Variants in SVEP1 observed in about 807,000 individuals in gnomAD.
The protein encoded by SVEP1 is sushi, von Willebrand factor type A, EGF and pentraxin domain containing 1.
A neutral mutation model predicts 367.3 loss-of-function variants in SVEP1; 164 were observed. The observed-to-expected ratio is 0.45, with a 90% CI of 0.39 to 0.51. The LOEUF (loss-of-function observed/expected upper bound fraction) is 0.51, where lower values mean the gene tolerates loss of function less well. SVEP1 is among the 20% of genes least tolerant of loss of function. The pLI, the probability that SVEP1 is intolerant of heterozygous loss-of-function variation, is 0.00. For missense variants in SVEP1, 4,117 were observed against 4,425.3 expected (o/e 0.93, Z 1.98); for synonymous variants, 1,666 against 1,611.6 (o/e 1.03, Z -0.81).
At position 110,433,147 on chromosome 9, in the gene SVEP1, G is replaced by A. The variant is rs552879989; in HGVS notation, c.5060-512C>T. Among the ~76,000 whole-genome samples, 3 of 152,284 alleles carry A rather than the reference G, an allele frequency of 2.0e-5. No homozygotes were observed. In the East Asian group the frequency reaches 5.8e-4, roughly 29 times the overall value. Reference sequence around the variant, plus strand: ...TCTCCTTGAGGCCTCCCCAGAAGCTGAGCAGGTGCCAGCACCATGCTTCCT... The same window carrying A: ...TCTCCTTGAGGCCTCCCCAGAAGCTAAGCAGGTGCCAGCACCATGCTTCCT... On this transcript the variant is annotated intron_variant, in intron 30 of 47. Transcript: ENST00000374469.
intron 27 of SVEP1, chr9:110,442,827 T>G (rs951309457): frequency 6.6e-6 from 1 of 152,186 alleles, no homozygotes; most frequent in Non-Finnish European, 1.5e-5. Context: ...CTCACCGCAT[T>G]TTTATGAAGT....
intron 1 of SVEP1, among the ~76,000 whole-genome samples, chr9:110,567,990 T>C (rs1830511247): frequency 6.6e-6 from 1 of 152,212 alleles, no homozygotes. Flanking sequence ...CTATCACCCT[T>C]AAGCTGCGAT....
At chr9:110,393,035 A>T (rs1827688785) in intron 40 of SVEP1, among the ~76,000 whole-genome samples, 1 of 152,190 alleles carries the variant, frequency 6.6e-6, no homozygotes, top group Non-Finnish European at 1.5e-5. Context: ...TAACATGTAT[A>T]ATAGCTTGGA....
intron 36 of SVEP1, among the ~76,000 whole-genome samples, chr9:110,424,330 T>A (rs1828220162): frequency 7.3e-6 from 1 of 137,486 alleles, no homozygotes; most frequent in Admixed American, 7.6e-5. Flanking sequence ...TTGATTTACA[T>A]GTATTGAGAG....
At chr9:110,441,016 C>T (rs1828503344) in intron 27 of SVEP1, among the ~76,000 whole-genome samples, 1 of 152,186 alleles carries the variant, frequency 6.6e-6, no homozygotes, top group Non-Finnish European at 1.5e-5. Flanking sequence ...AAAATAGTAG[C>T]ATAACTACTC....
chr9:110,519,062 G>A (rs1490583220), intron 3 of SVEP1, among the ~76,000 whole-genome samples: 3 of 152,114 alleles, frequency 2.0e-5, no homozygotes, highest in African/African-American at 7.2e-5. Flanking sequence ...GTTTTGTACT[G>A]TCCCCTTCCC....
Position 110,406,358 on chromosome 9 carries a change from C to T in SVEP1, c.9242G>A (p.Trp3081Ter), listed in dbSNP as rs1411300723. 6.2e-7 allele frequency: 1 copy of T among 1,614,044 alleles called. No homozygotes were observed. The highest frequency in any genetic ancestry group is 1.1e-5 in the South Asian group (1 of 91,090). Residue 3081 changes from tryptophan to a stop codon, truncating the protein, a stop_gained, in exon 38 of 48, where the codon TGG (tryptophan) becomes TAG (stop). Transcript: ENST00000374469. LOFTEE classifies it high-confidence loss of function. ...GCTGTAAGTTATCACATTTTCCTTCCAAGAGCTGGTCTCACTGATGAACGC... is the reference window on the plus strand; with the variant it reads ...GCTGTAAGTTATCACATTTTCCTTCTAAGAGCTGGTCTCACTGATGAACGC... Reference protein sequence around the residue: ...PNAFISETSSWKENVITYSCR... With the variant: ...PNAFISETSS
chr9:110,427,586 C>T lies in SVEP1; in HGVS notation c.5975+5G>A. 6.2e-7 allele frequency: 1 copy of T among 1,611,878 alleles called. No homozygotes were observed. The highest frequency in any genetic ancestry group is 8.5e-7 in the Non-Finnish European group (1 of 1,178,724). On this transcript the variant is annotated splice_donor_5th_base_variant and intron_variant, in intron 36 of 47. Coordinates refer to ENST00000374469, the MANE Select transcript of SVEP1 (RefSeq NM_153366.4). Reference sequence around the variant, plus strand: ...ATGATCCTTTCCTTCACAGGCCCTACTCACCCTTCTTTGCAAGTGTAAGTG... The same window carrying T: ...ATGATCCTTTCCTTCACAGGCCCTATTCACCCTTCTTTGCAAGTGTAAGTG...
intron 29 of SVEP1, 68 bp downstream of exon 29, chr9:110,435,173 C>A: frequency 6.4e-7 from 1 of 1,566,064 alleles, no homozygotes. Context: ...TCTGAACTGT[C>A]TTCTTTTGCT....
chr9:110,493,503 G>C (rs989366068), intron 8 of SVEP1, among the ~76,000 whole-genome samples: 9 of 152,142 alleles, frequency 5.9e-5, no homozygotes, highest in Non-Finnish European at 1.3e-4. Flanking sequence ...GGGAGGCTAA[G>C]GCAGGAGATC....
Position 110,387,402 on chromosome 9 carries a change from T to C in SVEP1, c.9943A>G (p.Arg3315Gly), listed in dbSNP as rs775936857. ...TATACCACGTTGGGTCCAGTCGTCC[T>C]GTTTTCAATGTCAGCTTTCCCATTG... ...FLNGKADIEN[R>G]TTGPNVVYSC... Residue 3315 changes from arginine (R) to glycine (G), a missense_variant, in exon 42 of 48, where the codon AGG becomes GGG. Arg to Gly is a moderately radical substitution (Grantham distance 125). Transcript: ENST00000374469. 6.2e-7 allele frequency: 1 copy of C among 1,613,384 alleles called. No individual in the cohort carries two copies. The highest frequency in any genetic ancestry group is 8.5e-7 in the Non-Finnish European group (1 of 1,179,740).
chr9:110,494,356 G>C (rs1829413950), intron 8 of SVEP1, among the ~76,000 whole-genome samples: 1 of 152,150 alleles, frequency 6.6e-6, no homozygotes, highest in South Asian at 2.1e-4. Context: ...AAAAAGCTTT[G>C]AAGTGGATAC....
chr9:110,528,156 G>GTGTATGTGTATATATATA, intron 3 of SVEP1, among the ~76,000 whole-genome samples: 1 of 33,950 alleles, frequency 2.9e-5, no homozygotes, highest in South Asian at 9.7e-4. Flanking sequence ...GTGTGTGTGT[G>GTGTATGTGTATATATATA]TATATATATA....
intron 3 of SVEP1, among the ~76,000 whole-genome samples, chr9:110,523,658 T>A (rs750799557): frequency 6.6e-6 from 1 of 152,086 alleles, no homozygotes. Flanking sequence ...AGATACATTG[T>A]GCAAACATTA....
In SVEP1 at chr9:110,489,771, G is replaced by A. The variant is rs1829339416; in HGVS notation, c.1809C>T (p.Val603=). 6.2e-7 allele frequency: 1 copy of A among 1,612,096 alleles called. No individual in the cohort carries two copies. The highest frequency in any genetic ancestry group is 8.5e-7 in the Non-Finnish European group (1 of 1,179,108). The part of the protein sequence containing the change: ...AKDNSGEKVS[V]HVHPAFTPPY... ...GTGGGGTGAAAGCTGGATGAACGTG[G>A]ACTGACACCTATTGGAGATACACAA... is the stretch of plus-strand genomic sequence containing the variant. Residue 603 remains valine, a synonymous_variant, in exon 9 of 48, where the codon GTC becomes GTT. Transcript: ENST00000374469.
At chr9:110,520,305 G>A (rs1829861076) in intron 3 of SVEP1, among the ~76,000 whole-genome samples, 1 of 151,878 alleles carries the variant, frequency 6.6e-6, no homozygotes, top group African/African-American at 2.4e-5. Context: ...CCAAGCAAAA[G>A]TTGAAAAAAA....
intron 22 of SVEP1, among the ~76,000 whole-genome samples, chr9:110,451,976 A>G (rs1828700903): frequency 6.6e-6 from 1 of 152,220 alleles, no homozygotes; most frequent in Non-Finnish European, 1.5e-5. Context: ...TGCCAAGGAC[A>G]GGCACAGAAA....
intron 8 of SVEP1, among the ~76,000 whole-genome samples, chr9:110,495,407 A>C (rs1007562705): frequency 1.3e-5 from 2 of 152,198 alleles, no homozygotes; most frequent in Admixed American, 1.3e-4. Context: ...TATAAGGGGA[A>C]GGCAGGAGGG....
rs1438539881 is a variant in SVEP1 at position 110,481,456 on chromosome 9, C to T, written c.2171-20G>A. ...GAGAACCTGTGTAAAAAAAATTGTA[C>T]TATTCATATATAGTGGTACAAGAAG... On this transcript the variant is annotated intron_variant, in intron 11 of 47. Coordinates refer to ENST00000374469, the MANE Select transcript of SVEP1 (RefSeq NM_153366.4). 6.6e-7 allele frequency: 1 copy of T among 1,523,368 alleles called. No homozygotes were observed. Among genetic ancestry groups the T allele is most frequent in the South Asian group, 1.3e-5 (1 of 76,158 alleles). The allele number at this position is 1,523,368 out of a possible 1,614,324, so 94.4% of individuals were successfully genotyped here. A position where few individuals can be genotyped will look rare whatever the true frequency, so the allele number is the denominator to read the frequency against.
Sources: allele counts gnomAD v4.1 joint callset (sites outside exome capture counted in the v4.1 genomes callset), GRCh38; gene constraint gnomAD v4.1.1; transcripts MANE v1.5; gene names NCBI Gene and HGNC (gene_info 2026-07-23, HGNC 2026-07-21).